The following MYH10 variants were observed in gnomAD, a reference collection of about 807,000 sequenced individuals.
MYH10 encodes myosin heavy chain 10.
Under a neutral mutation model 257.8 loss-of-function variants are expected in MYH10, and 55 were observed. The observed-to-expected ratio is 0.21, with a 90% CI of 0.17 to 0.27. The LOEUF (loss-of-function observed/expected upper bound fraction) is 0.27. MYH10 is among the 10% of genes least tolerant of loss of function. MYH10 has a pLI of 1.00. For synonymous variants in MYH10, 854 were observed against 921.7 expected, an observed-to-expected ratio of 0.93 and a Z score of 1.33; for missense variants, 1,631 against 2,500.6, an observed-to-expected ratio of 0.65 and a Z score of 7.42.
rs780291338 is a variant in MYH10 at position 8,481,454 on chromosome 17, C to T, written c.5176-44G>A. ...GTTAAGCTCTGGCTGTGAATAGTTT[C>T]CTCACCTGTGGAATCTGACAGTGCC... On this transcript the variant is annotated intron_variant, in intron 37 of 42. Transcript: ENST00000360416. 8.6e-5 allele frequency: 136 copies of T among 1,578,032 alleles called. 1 individual carries two copies. In the South Asian group the frequency reaches 1.5e-3, roughly 17 times the overall value.
chr17:8,503,030 C>T (rs903494670), intron 28 of MYH10, among the ~76,000 whole-genome samples: 3 of 152,232 alleles, frequency 2.0e-5, no homozygotes, highest in Non-Finnish European at 2.9e-5. Context: ...CGCCTGTAAT[C>T]CCAGCACTTT....
At chr17:8,482,732 G>A (rs1254494208) in intron 37 of MYH10, among the ~76,000 whole-genome samples, 1 of 152,252 alleles carries the variant, frequency 6.6e-6, no homozygotes, top group Non-Finnish European at 1.5e-5. Context: ...TGCAGTGTGA[G>A]TCAGGCCTTG....
intron 40 of MYH10, 92 bp downstream of exon 40, chr17:8,480,018 G>T (rs1213809467): frequency 1.6e-6 from 2 of 1,258,618 alleles, no homozygotes; most frequent in Non-Finnish European, 2.2e-6. Context: ...CTGCCCACGT[G>T]GTGGGGAGCC....
intron 40 of MYH10, 140 bp downstream of exon 40, chr17:8,479,970 C>T (rs1597590489): frequency 9.1e-6 from 7 of 766,186 alleles, no homozygotes; most frequent in South Asian, 3.6e-5. Context: ...TCACAGCTCA[C>T]ACCAACTTCT....
chr17:8,589,539 C>A (rs947218852), intron 3 of MYH10, among the ~76,000 whole-genome samples: 5 of 152,102 alleles, frequency 3.3e-5, no homozygotes, highest in African/African-American at 1.2e-4. Context: ...TGACACCTGG[C>A]CAGATTTGGA....
chr17:8,619,695 G>A (rs545458096), intron 2 of MYH10, among the ~76,000 whole-genome samples: 5 of 152,148 alleles, frequency 3.3e-5, no homozygotes, highest in Admixed American at 6.5e-5. Flanking sequence ...AGGCCAAGGC[G>A]GGTGGATCAC....
intron 4 of MYH10, among the ~76,000 whole-genome samples, chr17:8,579,848 A>G (rs528502744): frequency 2.6e-4 from 40 of 152,288 alleles, no homozygotes; most frequent in African/African-American, 9.1e-4. Context: ...CTGAATCTTC[A>G]ACCTGAAAAA....
In MYH10 at chr17:8,476,773, C is replaced by T. The variant is rs147638155; in HGVS notation, c.5879+103G>A. The T allele has an allele frequency of 5.0e-4, 622 of 1,252,160 alleles. 1 individual carries two copies. Among genetic ancestry groups the T allele is most frequent in the Non-Finnish European group, 6.5e-4 (596 of 919,414 alleles). 77.6% of individuals were successfully genotyped at this position (1,252,160 alleles called of 1,614,324 possible). The stretch of plus-strand genomic sequence containing the variant: ...GTGGTTCGGGAGAAAGAATGGGTCA[C>T]TGGGTATGGATCTAAGTAAACTTCC... On this transcript the variant is annotated intron_variant, in intron 42 of 42. Transcript: ENST00000360416.
chr17:8,543,560 C>T (rs184654941), intron 13 of MYH10, among the ~76,000 whole-genome samples: 174 of 151,844 alleles, frequency 1.1e-3, no homozygotes, highest in Non-Finnish European at 1.9e-3. Flanking sequence ...CTGCAACCTC[C>T]GCCTCCCGGG....
At chr17:8,619,062 C>T (rs1444626269) in intron 2 of MYH10, among the ~76,000 whole-genome samples, 2 of 152,170 alleles carry the variant, frequency 1.3e-5, no homozygotes, top group South Asian at 2.1e-4. Context: ...GTTTAGCTTG[C>T]AACTCAAATA....
chr17:8,590,873 C>CTTTTTTTTTTTTTTTT lies in MYH10; in HGVS notation c.503-1781_503-1766dup, dbSNP rs398030291. On this transcript the variant is annotated intron_variant, in intron 3 of 42. Coordinates refer to ENST00000360416, the MANE Select transcript of MYH10 (RefSeq NM_001256012.3). Reference sequence around the variant, plus strand: ...TCTCCCTCAGGTTTCTCAATGTCGCCTTTTTTTTTTTTTTTTTGAGATGGA... The same window carrying CTTTTTTTTTTTTTTTT: ...TCTCCCTCAGGTTTCTCAATGTCGCCTTTTTTTTTTTTTTTTTTTTTTTTTTTTTTTTTGAGATGGA... Among the ~76,000 whole-genome samples the CTTTTTTTTTTTTTTTT allele has an allele frequency of 8.9e-5, 8 of 90,102 alleles. 1 individual carries two copies. Among genetic ancestry groups the CTTTTTTTTTTTTTTTT allele is most frequent in the East Asian group, 3.6e-4 (1 of 2,814 alleles). 59.1% of individuals were successfully genotyped at this position (90,102 alleles called of 152,430 possible).
At chr17:8,487,341 G>A (rs1466999462) in intron 36 of MYH10, 92 bp downstream of exon 36, 2 of 1,496,050 alleles carry the variant, frequency 1.3e-6, no homozygotes, top group Non-Finnish European at 1.8e-6. Flanking sequence ...TGACAGCGGT[G>A]CTGTGCCCCC....
chr17:8,484,624 G>A (rs1914450903), intron 36 of MYH10, among the ~76,000 whole-genome samples: 1 of 152,168 alleles, frequency 6.6e-6, no homozygotes, highest in African/African-American at 2.4e-5. Flanking sequence ...ATGTAAAAAG[G>A]ATTATACACC....
chr17:8,570,925 G>A (rs530995324), intron 6 of MYH10, among the ~76,000 whole-genome samples: 41 of 152,296 alleles, frequency 2.7e-4, no homozygotes, highest in South Asian at 8.3e-4. Context: ...ACAGGAAGGG[G>A]ACCTGCTCTG....
chr17:8,624,135 T>C (rs2085582297), intron 1 of MYH10, among the ~76,000 whole-genome samples: 1 of 152,246 alleles, frequency 6.6e-6, no homozygotes, highest in Non-Finnish European at 1.5e-5. Flanking sequence ...TTGAGGAAAG[T>C]ACTGGTTCTG....
rs927799317 is a variant in MYH10 at position 8,532,006 on chromosome 17, A to G, written c.1895-1321T>C. Among the ~76,000 whole-genome samples, 7 of 152,134 alleles carry G rather than the reference A, an allele frequency of 4.6e-5. No homozygotes were observed. In the South Asian group the frequency reaches 1.4e-3, roughly 31 times the overall value. The stretch of plus-strand genomic sequence containing the variant: ...AAACTGTCCTCAAAATTGGACAAAC[A>G]TGGTACTGCTTCTCTGCCTGCTCCT... On this transcript the variant is annotated intron_variant, in intron 16 of 42. Transcript: ENST00000360416.
intron 4 of MYH10, among the ~76,000 whole-genome samples, chr17:8,580,316 T>G (rs540236764): frequency 3.3e-5 from 5 of 152,058 alleles, no homozygotes; most frequent in African/African-American, 4.8e-5. Context: ...AGTTTTTTTC[T>G]GTTATCTCTT....
intron 7 of MYH10, among the ~76,000 whole-genome samples, chr17:8,558,421 C>A (rs184217113): frequency 9.2e-5 from 14 of 152,096 alleles, no homozygotes; most frequent in Non-Finnish European, 2.1e-4. Context: ...TTAGTGTTTA[C>A]CACATACATT....
At chr17:8,516,497 A>G (rs1171202879) in intron 21 of MYH10, among the ~76,000 whole-genome samples, 1 of 152,276 alleles carries the variant, frequency 6.6e-6, no homozygotes, top group Non-Finnish European at 1.5e-5. Flanking sequence ...GCTGGCTTAC[A>G]TATAAGATTA....
Sources: allele counts gnomAD v4.1 joint callset (sites outside exome capture counted in the v4.1 genomes callset), GRCh38; gene constraint gnomAD v4.1.1; transcripts MANE v1.5; gene names NCBI Gene and HGNC (gene_info 2026-07-23, HGNC 2026-07-21).